The following EVL variants were observed in gnomAD, a reference collection of about 807,000 sequenced individuals.
EVL encodes the protein ena/VASP-like protein.
Under a neutral mutation model 59.6 loss-of-function variants are expected in EVL, and 21 were observed. The observed-to-expected ratio is 0.35, with a 90% CI of 0.25 to 0.51. The LOEUF is 0.51. Ranked by LOEUF, EVL falls within the 20% of genes least tolerant of loss-of-function variation. The probability of loss-of-function intolerance (pLI) is 0.97; values close to 1 mark genes in which losing one functional copy is unlikely to be tolerated. For missense variants in EVL, 462 were observed against 546.6 expected (o/e 0.85, Z 1.54); for synonymous variants, 198 against 203.5 (o/e 0.97, Z 0.23).
chr14:100,048,645 G>C (rs764313586), intron 1 of EVL, among the ~76,000 whole-genome samples: 2 of 152,132 alleles, frequency 1.3e-5, no homozygotes, highest in Non-Finnish European at 2.9e-5. Context: ...GAAAGCTTAC[G>C]TTCGTGACCA....
chr14:100,003,393 A>G (rs1452963728), intron 1 of EVL, among the ~76,000 whole-genome samples: 1 of 152,164 alleles, frequency 6.6e-6, no homozygotes, highest in African/African-American at 2.4e-5. Flanking sequence ...TGGATGTAAT[A>G]ACCTTAATTT....
chr14:99,997,723 G>A (rs1286959546), intron 1 of EVL, among the ~76,000 whole-genome samples: 1 of 152,212 alleles, frequency 6.6e-6, no homozygotes, highest in African/African-American at 2.4e-5. Flanking sequence ...TGCGTTAGAA[G>A]GAAGTGATGT....
intron 1 of EVL, among the ~76,000 whole-genome samples, chr14:100,049,045 C>T (rs1313171058): frequency 3.9e-5 from 6 of 152,086 alleles, no homozygotes; most frequent in African/African-American, 1.4e-4. Context: ...GTAGGTGTTA[C>T]ATTCATGGAA....
At chr14:100,073,722 G>C (rs1230717002) in intron 1 of EVL, among the ~76,000 whole-genome samples, 4 of 152,150 alleles carry the variant, frequency 2.6e-5, no homozygotes, top group Non-Finnish European at 4.4e-5. Flanking sequence ...ATCCGTGGAG[G>C]CTGAGAAATA....
chr14:100,080,084 G>A (rs924810044), intron 1 of EVL, among the ~76,000 whole-genome samples: 1 of 149,706 alleles, frequency 6.7e-6, no homozygotes, highest in African/African-American at 2.5e-5. Context: ...TTTCTCTTCA[G>A]TGAGAGATTT....
Position 100,141,209 on chromosome 14 carries a change from T to C in EVL, c.1124T>C (p.Met375Thr), listed in dbSNP as rs752579547. The change falls in exon 12 of 14, where the codon ATG becomes ACG. Residue 375 changes from methionine (M) to threonine (T), a missense_variant. Physicochemically the swap from Met to Thr is moderately conservative, Grantham distance 81 (BLOSUM62 -1). Coordinates refer to ENST00000392920, the MANE Select transcript of EVL (RefSeq NM_016337.3). ...RMKPAGSVNDMALDAFDLDRM... is the reference protein window; with the variant it reads ...RMKPAGSVNDTALDAFDLDRM... ...AAGCCTGCTGGGAGCGTGAATGACA[T>C]GGCCCTGGATGCCTTCGACTTGGAC... The C allele has an allele frequency of 1.9e-6, 3 of 1,613,778 alleles. No individual in the cohort carries two copies. The highest frequency in any genetic ancestry group is 1.3e-5 in the African/African-American group (1 of 74,928).
chr14:100,023,766 T>G (rs1039427664), intron 1 of EVL, among the ~76,000 whole-genome samples: 15 of 152,156 alleles, frequency 9.9e-5, no homozygotes, highest in Non-Finnish European at 1.6e-4. Context: ...CCAGCCTCCT[T>G]TTGCCTTTTT....
chr14:100,058,324 T>C (rs1253789226), intron 1 of EVL, among the ~76,000 whole-genome samples: 1 of 152,238 alleles, frequency 6.6e-6, no homozygotes, highest in Admixed American at 6.5e-5. Context: ...CCAAATGCCT[T>C]AGGATTTAAT....
chr14:99,989,554 T>G (rs1459859625), intron 1 of EVL, among the ~76,000 whole-genome samples: 1 of 152,210 alleles, frequency 6.6e-6, no homozygotes, highest in Non-Finnish European at 1.5e-5. Context: ...ACTCTCCAGA[T>G]TAATCTCTTC....
intron 7 of EVL, 89 bp from the exon 8 acceptor site, chr14:100,132,630 G>C (rs967048089): frequency 4.3e-6 from 6 of 1,410,264 alleles, no homozygotes; most frequent in Admixed American, 3.4e-5. Context: ...GAGGACCGGG[G>C]TGAGTCTGGC....
intron 1 of EVL, among the ~76,000 whole-genome samples, chr14:99,973,002 A>G (rs542770315): frequency 2.6e-5 from 4 of 152,250 alleles, no homozygotes; most frequent in South Asian, 2.1e-4. Flanking sequence ...TTATTGGTCT[A>G]TAGTATTCTG....
At chr14:100,141,306 G>T in intron 12 of EVL, 60 bp downstream of exon 12, 1 of 1,581,690 alleles carries the variant, frequency 6.3e-7, no homozygotes. Context: ...GCGGGGGACC[G>T]TCTCTGACCA....
At chr14:99,996,056 C>A (rs1418258079) in intron 1 of EVL, among the ~76,000 whole-genome samples, 1 of 152,098 alleles carries the variant, frequency 6.6e-6, no homozygotes, top group Non-Finnish European at 1.5e-5. Context: ...GAAACCAGTC[C>A]CTCAGGTAGC....
intron 1 of EVL, among the ~76,000 whole-genome samples, chr14:100,075,822 G>T (rs2062149977): frequency 6.6e-6 from 1 of 152,242 alleles, no homozygotes; most frequent in Non-Finnish European, 1.5e-5. Flanking sequence ...TGTCTTGCCT[G>T]TTAATCACCA....
rs1422407237 is a variant in EVL at position 100,127,627 on chromosome 14, T to C, written c.487+856T>C. ...CTCCCTCTAGTGCCTCGCAAGCACT[T>C]CCCATCCTTTTCCTCCTTCCTCACA... On this transcript the variant is annotated intron_variant, in intron 5 of 13. Coordinates refer to ENST00000392920, the MANE Select transcript of EVL (RefSeq NM_016337.3). This position sits in a 1 kb window ranked among gnomAD's most constrained non-coding sequence, Gnocchi z 4.2. Among the ~76,000 whole-genome samples, 1 of 151,928 alleles carries C rather than the reference T, an allele frequency of 6.6e-6. No individual in the cohort carries two copies. The highest frequency in any genetic ancestry group is 1.5e-5 in the Non-Finnish European group (1 of 67,984).
At chr14:100,030,343 C>G (rs2061294056) in intron 1 of EVL, among the ~76,000 whole-genome samples, 1 of 152,018 alleles carries the variant, frequency 6.6e-6, no homozygotes, top group African/African-American at 2.4e-5. Context: ...CTCAGGTGAT[C>G]CGCCTGCCTC....
intron 1 of EVL, among the ~76,000 whole-genome samples, chr14:100,050,211 A>G (rs2061624067): frequency 6.6e-6 from 1 of 152,136 alleles, no homozygotes; most frequent in Non-Finnish European, 1.5e-5. Flanking sequence ...GCTTTAATTA[A>G]CCTTATGTAT....
intron 3 of EVL, among the ~76,000 whole-genome samples, chr14:100,100,476 G>A (rs1378074629): frequency 6.6e-6 from 1 of 152,142 alleles, no homozygotes. Flanking sequence ...CTGTTAACAC[G>A]TGTGTGCGCA....
chr14:100,082,688 A>G (rs2062338092), intron 1 of EVL, among the ~76,000 whole-genome samples: 1 of 152,228 alleles, frequency 6.6e-6, no homozygotes, highest in African/African-American at 2.4e-5. Context: ...TTTAGTGAGC[A>G]TTTATTAGGC....
Sources: gnomAD v4.1 joint callset for allele counts (sites outside exome capture counted in the v4.1 genomes callset) on GRCh38, gnomAD v4.1.1 for gene constraint, Gnocchi (gnomAD v3.1) non-coding constraint, MANE v1.5 for transcripts, NCBI Gene and HGNC (gene_info 2026-07-23, HGNC 2026-07-21) for gene names.